Variants in SPOCK3 observed in about 807,000 individuals in gnomAD.
SPOCK3 encodes the protein testican-3.
In SPOCK3, 30 loss-of-function variants were observed where a neutral mutation model predicts 56.6. The ratio of observed to expected loss-of-function variants is 0.53; its 90% CI spans 0.40 to 0.72. SPOCK3 has a LOEUF of 0.72. Among genes scored for constraint, SPOCK3 ranks in the 30% least tolerant of loss-of-function variants. The probability of loss-of-function intolerance (pLI) is 0.00; values close to 1 mark genes in which losing one functional copy is unlikely to be tolerated. For synonymous variants in SPOCK3, 196 were observed against 183.3 expected (o/e 1.07, Z -0.56); for missense variants, 527 against 530.0 (o/e 0.99, Z 0.06).
chr4:166,951,122 C>A (rs1742555561), intron 4 of SPOCK3, among the ~76,000 whole-genome samples: 1 of 144,154 alleles, frequency 6.9e-6, no homozygotes, highest in East Asian at 2.0e-4. Flanking sequence ...ACAAAAAACC[C>A]TTCAGAAAAT....
intron 2 of SPOCK3, among the ~76,000 whole-genome samples, chr4:167,179,989 G>T (rs1731307901): frequency 6.6e-6 from 1 of 152,088 alleles, no homozygotes; most frequent in African/African-American, 2.4e-5. Context: ...CCCCAAAGAA[G>T]TTATACTGCA....
chr4:167,145,057 T>C (rs768580155), intron 2 of SPOCK3, among the ~76,000 whole-genome samples: 2 of 152,000 alleles, frequency 1.3e-5, no homozygotes, highest in Non-Finnish European at 2.9e-5. Context: ...ATCCCAGAGA[T>C]ACATGATAAT....
chr4:167,010,745 T>A (rs1278348619), intron 3 of SPOCK3, among the ~76,000 whole-genome samples: 2 of 152,018 alleles, frequency 1.3e-5, no homozygotes, highest in African/African-American at 4.8e-5. Flanking sequence ...TGATGAGCAA[T>A]AAACTGATAA....
At chr4:167,229,149 C>T (rs757338757) in intron 2 of SPOCK3, among the ~76,000 whole-genome samples, 5 of 152,082 alleles carry the variant, frequency 3.3e-5, no homozygotes, top group Non-Finnish European at 7.4e-5. Context: ...ATTGGATATC[C>T]ATTATTGAGA....
At chr4:167,157,239 G>A (rs1764888700) in intron 2 of SPOCK3, among the ~76,000 whole-genome samples, 1 of 152,020 alleles carries the variant, frequency 6.6e-6, no homozygotes. Context: ...AGAACAACCA[G>A]CTCTACAAAG....
At chr4:166,800,695 T>C (rs1011343832) in intron 6 of SPOCK3, among the ~76,000 whole-genome samples, 3 of 152,176 alleles carry the variant, frequency 2.0e-5, no homozygotes, top group African/African-American at 4.8e-5. Flanking sequence ...AAAGGAAATA[T>C]ACAGTATCAA....
chr4:167,174,436 GA>G lies in SPOCK3; in HGVS notation c.189+59548del, dbSNP rs397996153. Among the ~76,000 whole-genome samples, 94 of 144,602 alleles carry G rather than the reference GA, an allele frequency of 6.5e-4. 1 individual carries two copies. Among genetic ancestry groups the G allele is most frequent in the Middle Eastern group, 7.2e-3 (2 of 276 alleles). The allele number at this position is 144,602 out of a possible 152,430, so 94.9% of individuals were successfully genotyped here. On this transcript the variant is annotated intron_variant, in intron 2 of 10. Coordinates refer to ENST00000357545, the MANE Select transcript of SPOCK3 (RefSeq NM_001040159.2). Reference sequence around the variant, plus strand: ...ACTACAGATTATACTCTAAAATTTTGAAAAAAAAAAAATTACTCCACTAAAC... The same window carrying G: ...ACTACAGATTATACTCTAAAATTTTGAAAAAAAAAAATTACTCCACTAAAC...
chr4:167,120,911 T>C (rs1761812720), intron 2 of SPOCK3, among the ~76,000 whole-genome samples: 1 of 151,956 alleles, frequency 6.6e-6, no homozygotes, highest in African/African-American at 2.4e-5. Flanking sequence ...GGTAACATCA[T>C]AGTTTGAATG....
intron 2 of SPOCK3, among the ~76,000 whole-genome samples, chr4:167,138,075 T>C (rs1763261591): frequency 6.6e-6 from 1 of 151,782 alleles, no homozygotes; most frequent in South Asian, 2.1e-4. Context: ...TTTTCTTTAA[T>C]GACCAATTAT....
At chr4:167,138,827 C>T (rs1763313857) in intron 2 of SPOCK3, among the ~76,000 whole-genome samples, 1 of 151,750 alleles carries the variant, frequency 6.6e-6, no homozygotes, top group Admixed American at 6.6e-5. Flanking sequence ...GAGGGAAGCT[C>T]TTATTTGAGA....
chr4:166,954,844 A>G (rs925686788), intron 4 of SPOCK3, among the ~76,000 whole-genome samples: 6 of 152,204 alleles, frequency 3.9e-5, no homozygotes, highest in African/African-American at 7.2e-5. Context: ...CAGGCAGCCA[A>G]TCATCTACTT....
chr4:167,127,167 C>T (rs555809459), intron 2 of SPOCK3, among the ~76,000 whole-genome samples: 9 of 152,046 alleles, frequency 5.9e-5, no homozygotes, highest in Admixed American at 5.9e-4. Context: ...TATTTATGAA[C>T]AATAGTAGTA....
intron 6 of SPOCK3, among the ~76,000 whole-genome samples, chr4:166,833,452 C>T (rs1482507349): frequency 2.6e-5 from 4 of 151,992 alleles, no homozygotes; most frequent in Admixed American, 6.6e-5. Flanking sequence ...TTGCAGTTTC[C>T]AGCTCTAATA....
At chr4:166,901,050 A>G (rs1041176835) in intron 5 of SPOCK3, among the ~76,000 whole-genome samples, 2 of 152,126 alleles carry the variant, frequency 1.3e-5, no homozygotes, top group Non-Finnish European at 2.9e-5. Context: ...TTCCCCAGAC[A>G]TTCCTTTTTT....
At chr4:167,010,442 C>A (rs1749919378) in intron 3 of SPOCK3, among the ~76,000 whole-genome samples, 1 of 150,808 alleles carries the variant, frequency 6.6e-6, no homozygotes, top group Non-Finnish European at 1.5e-5. Flanking sequence ...ATCGCTTGAG[C>A]CCAGGAAGTT....
intron 4 of SPOCK3, among the ~76,000 whole-genome samples, chr4:166,928,706 C>G (rs565446566): frequency 1.3e-5 from 2 of 152,114 alleles, no homozygotes; most frequent in Non-Finnish European, 2.9e-5. Flanking sequence ...CACGGTGGCT[C>G]ACGCCTGTAA....
chr4:166,998,024 C>T (rs1263899678), intron 4 of SPOCK3, among the ~76,000 whole-genome samples: 2 of 152,058 alleles, frequency 1.3e-5, no homozygotes, highest in Non-Finnish European at 2.9e-5. Flanking sequence ...TTTATATTAG[C>T]CATTTTTATT....
At chr4:167,088,207 TATAAC>T (rs543781306) in intron 2 of SPOCK3, among the ~76,000 whole-genome samples, 14 of 152,154 alleles carry the variant, frequency 9.2e-5, no homozygotes, top group Non-Finnish European at 1.3e-4. Flanking sequence ...AGAAATTTGT[TATAAC>T]ATAAACTTCT....
At chr4:167,224,865 C>T (rs1320477718) in intron 2 of SPOCK3, among the ~76,000 whole-genome samples, 1 of 152,046 alleles carries the variant, frequency 6.6e-6, no homozygotes, top group Non-Finnish European at 1.5e-5. Context: ...TGGGATTTCA[C>T]CATGTTGGCC....
Sources: gnomAD v4.1 joint callset for allele counts (sites outside exome capture counted in the v4.1 genomes callset) on GRCh38, gnomAD v4.1.1 for gene constraint, MANE v1.5 for transcripts, NCBI Gene and HGNC (gene_info 2026-07-23, HGNC 2026-07-21) for gene names.